The following DOK6 variants were observed in gnomAD, a reference collection of about 807,000 sequenced individuals.
The protein encoded by DOK6 is downstream of tyrosine kinase 6.
A neutral mutation model predicts 44.0 loss-of-function variants in DOK6; 22 were observed. The ratio of observed to expected loss-of-function variants is 0.50; its 90% CI spans 0.36 to 0.71. The LOEUF is 0.71. Among genes scored for constraint, DOK6 ranks in the 30% least tolerant of loss-of-function variants. The probability of loss-of-function intolerance (pLI) is 0.00; values close to 1 mark genes in which losing one functional copy is unlikely to be tolerated. For missense variants in DOK6, 340 were observed against 416.4 expected (o/e 0.82, Z 1.60); for synonymous variants, 166 against 145.5 (o/e 1.14, Z -1.01).
intron 5 of DOK6, among the ~76,000 whole-genome samples, chr18:69,722,254 TAA>T (rs1192693984): frequency 2.0e-5 from 3 of 152,230 alleles, no homozygotes; most frequent in African/African-American, 7.2e-5. Flanking sequence ...TTCATATTTA[TAA>T]GAGAGGGTAT....
chr18:69,408,778 A>C (rs1271781688), intron 1 of DOK6, among the ~76,000 whole-genome samples: 1 of 152,224 alleles, frequency 6.6e-6, no homozygotes, highest in African/African-American at 2.4e-5. Context: ...GCACGATCTT[A>C]ACTCAAGAGA....
intron 7 of DOK6, among the ~76,000 whole-genome samples, chr18:69,806,234 T>C (rs1981048877): frequency 6.6e-6 from 1 of 151,906 alleles, no homozygotes; most frequent in South Asian, 2.1e-4. Flanking sequence ...GCTAAGAAAA[T>C]TAGTTTTACT....
chr18:69,486,479 C>G (rs1383951765), intron 1 of DOK6, among the ~76,000 whole-genome samples: 1 of 152,130 alleles, frequency 6.6e-6, no homozygotes, highest in Non-Finnish European at 1.5e-5. Flanking sequence ...CAGAAGTTCA[C>G]TATTTCAACC....
intron 1 of DOK6, among the ~76,000 whole-genome samples, chr18:69,424,185 ATTTGC>A (rs1023497946): frequency 2.0e-5 from 3 of 152,156 alleles, no homozygotes; most frequent in African/African-American, 7.2e-5. Context: ...TTAGAGGTGG[ATTTGC>A]TGGGCATAGG....
intron 1 of DOK6, among the ~76,000 whole-genome samples, chr18:69,440,802 G>T (rs566362847): frequency 1.3e-5 from 2 of 151,618 alleles, no homozygotes; most frequent in Admixed American, 1.3e-4. Context: ...GAGATACGTT[G>T]AACATGAAAC....
At chr18:69,507,328 G>A (rs1419912866) in intron 1 of DOK6, among the ~76,000 whole-genome samples, 1 of 151,956 alleles carries the variant, frequency 6.6e-6, no homozygotes, top group Non-Finnish European at 1.5e-5. Flanking sequence ...TGCCCAGCCG[G>A]TAATTATAGT....
At chr18:69,572,993 CAT>C (rs1172522672) in intron 2 of DOK6, among the ~76,000 whole-genome samples, 1 of 149,088 alleles carries the variant, frequency 6.7e-6, no homozygotes, top group Non-Finnish European at 1.5e-5. Context: ...TCAAATATGA[CAT>C]ATATGTTACC....
chr18:69,724,123 A>G (rs1357904863), intron 5 of DOK6, among the ~76,000 whole-genome samples: 2 of 152,248 alleles, frequency 1.3e-5, no homozygotes, highest in African/African-American at 2.4e-5. Context: ...TGAAAGCAGC[A>G]AGAGAGATTA....
intron 7 of DOK6, among the ~76,000 whole-genome samples, chr18:69,827,592 A>G (rs566066034): frequency 1.3e-5 from 2 of 152,176 alleles, no homozygotes; most frequent in African/African-American, 2.4e-5. Flanking sequence ...TTTAACACAT[A>G]TCGTCGAAGT....
intron 1 of DOK6, among the ~76,000 whole-genome samples, chr18:69,467,030 G>A (rs755541563): frequency 1.4e-4 from 21 of 152,040 alleles, no homozygotes; most frequent in Middle Eastern, 3.2e-3. Flanking sequence ...TAAATAAGTA[G>A]CAACGTCAAA....
intron 4 of DOK6, among the ~76,000 whole-genome samples, chr18:69,679,233 A>G (rs903669762): frequency 3.9e-5 from 6 of 152,182 alleles, no homozygotes; most frequent in Non-Finnish European, 8.8e-5. Context: ...ACTAAATAGC[A>G]TAGGTAAAAG....
At chr18:69,756,414 T>C (rs781667714) in intron 6 of DOK6, among the ~76,000 whole-genome samples, 4 of 152,228 alleles carry the variant, frequency 2.6e-5, no homozygotes, top group African/African-American at 4.8e-5. Context: ...AAAGTTACCA[T>C]TGGGAGCCAT....
At chr18:69,772,694 A>C (rs1979924114) in intron 7 of DOK6, among the ~76,000 whole-genome samples, 1 of 152,040 alleles carries the variant, frequency 6.6e-6, no homozygotes, top group Admixed American at 6.6e-5. Flanking sequence ...CCATGCACAA[A>C]AGTCAACTCA....
intron 7 of DOK6, among the ~76,000 whole-genome samples, chr18:69,800,588 G>A (rs1013583448): frequency 2.0e-5 from 3 of 152,086 alleles, no homozygotes; most frequent in Non-Finnish European, 4.4e-5. Flanking sequence ...GTCTTCTTCA[G>A]ACTTTTTCTA....
chr18:69,481,059 G>A (rs1980404155), intron 1 of DOK6, among the ~76,000 whole-genome samples: 1 of 152,132 alleles, frequency 6.6e-6, no homozygotes. Flanking sequence ...TTTGGTAGAG[G>A]ATTGGGAGAC....
chr18:69,829,384 T>C (rs1981839996), intron 7 of DOK6, among the ~76,000 whole-genome samples: 1 of 152,064 alleles, frequency 6.6e-6, no homozygotes, highest in South Asian at 2.1e-4. Flanking sequence ...CATTATGTAC[T>C]AACTCATTTA....
intron 3 of DOK6, among the ~76,000 whole-genome samples, chr18:69,612,969 C>T (rs947451117): frequency 1.3e-5 from 2 of 151,806 alleles, no homozygotes; most frequent in Non-Finnish European, 2.9e-5. Context: ...GCAGCCTCCA[C>T]CTCCCTGGCT....
chr18:69,577,775 A>G (rs530557713), intron 2 of DOK6, among the ~76,000 whole-genome samples: 23 of 152,276 alleles, frequency 1.5e-4, no homozygotes, highest in African/African-American at 5.5e-4. Context: ...GGGTATCTGT[A>G]ACATTGTGAT....
At chr18:69,556,508 G>T (rs1327883436) in intron 1 of DOK6, among the ~76,000 whole-genome samples, 1 of 152,112 alleles carries the variant, frequency 6.6e-6, no homozygotes, top group Non-Finnish European at 1.5e-5. Context: ...TTACAAATGT[G>T]CTTCTTTGTT....
Sources: allele counts gnomAD v4.1 joint callset (sites outside exome capture counted in the v4.1 genomes callset), GRCh38; gene constraint gnomAD v4.1.1; transcripts MANE v1.5; gene names NCBI Gene and HGNC (gene_info 2026-07-23, HGNC 2026-07-21).